Variants in GRIK2 observed in about 807,000 individuals in gnomAD.
GRIK2 encodes the protein glutamate receptor ionotropic, kainate 2.
Under a neutral mutation model 100.3 loss-of-function variants are expected in GRIK2, and 32 were observed. The ratio of observed to expected loss-of-function variants is 0.32; its 90% CI spans 0.24 to 0.43. GRIK2 has a LOEUF of 0.43. GRIK2 is among the 20% of genes least tolerant of loss of function. GRIK2 has a pLI of 1.00. For missense variants in GRIK2, 843 were observed against 1,114.9 expected (o/e 0.76, Z 3.47); for synonymous variants, 417 against 389.4 (o/e 1.07, Z -0.83).
intron 2 of GRIK2, among the ~76,000 whole-genome samples, chr6:101,491,607 C>A (rs575887402): frequency 6.6e-6 from 1 of 151,624 alleles, no homozygotes; most frequent in Non-Finnish European, 1.5e-5. Context: ...ATTTGTCTCC[C>A]GTCTCTGTCT....
chr6:101,892,270 CG>C (rs1380328769), intron 12 of GRIK2, among the ~76,000 whole-genome samples: 2 of 152,136 alleles, frequency 1.3e-5, no homozygotes, highest in Admixed American at 1.3e-4. Context: ...TCCAAGCCCA[CG>C]GCTTTTGAAG....
chr6:101,430,762 G>T, intron 2 of GRIK2: 1 of 229,456 alleles, frequency 4.4e-6, no homozygotes. Context: ...CCGTAAATCA[G>T]CAACTAGCTC....
At chr6:101,828,760 G>A (rs1248904359) in intron 10 of GRIK2, among the ~76,000 whole-genome samples, 4 of 151,636 alleles carry the variant, frequency 2.6e-5, no homozygotes, top group Non-Finnish European at 5.9e-5. Context: ...ATGAGCAAAG[G>A]AATTGAATCA....
At chr6:101,909,373 T>TTTTTTTTTTTG (rs1479681117) in intron 12 of GRIK2, among the ~76,000 whole-genome samples, 1 of 113,556 alleles carries the variant, frequency 8.8e-6, no homozygotes, top group African/African-American at 3.2e-5. Context: ...AAGATAGGGT[T>TTTTTTTTTTTG]TTCTTTTTCT....
At chr6:101,576,127 G>A (rs539855747) in intron 2 of GRIK2, among the ~76,000 whole-genome samples, 2 of 151,906 alleles carry the variant, frequency 1.3e-5, no homozygotes, top group Admixed American at 6.6e-5. Flanking sequence ...ATGTATATTG[G>A]GGTGTTTCTT....
At chr6:101,482,216 T>G (rs1397648820) in intron 2 of GRIK2, among the ~76,000 whole-genome samples, 1 of 152,230 alleles carries the variant, frequency 6.6e-6, no homozygotes, top group Non-Finnish European at 1.5e-5. Flanking sequence ...TCACTTAGAT[T>G]CATTCCGGCA....
intron 4 of GRIK2, among the ~76,000 whole-genome samples, chr6:101,634,710 A>G (rs932081382): frequency 6.6e-6 from 1 of 152,080 alleles, no homozygotes; most frequent in African/African-American, 2.4e-5. Context: ...TCTTTTCATT[A>G]GTGAAGGAAA....
intron 12 of GRIK2, among the ~76,000 whole-genome samples, chr6:101,922,685 G>T (rs548008290): frequency 2.0e-5 from 3 of 152,220 alleles, no homozygotes; most frequent in African/African-American, 7.2e-5. Context: ...CATGCTTTGG[G>T]CAGGGGAACT....
intron 2 of GRIK2, among the ~76,000 whole-genome samples, chr6:101,447,084 CT>C (rs541136444): frequency 2.4e-3 from 357 of 149,126 alleles, no homozygotes; most frequent in African/African-American, 8.1e-3. Context: ...TAGCCCTTTA[CT>C]TTTTTTCTTT....
intron 15 of GRIK2, among the ~76,000 whole-genome samples, chr6:102,036,579 TAGAG>T (rs763218901): frequency 4.0e-5 from 6 of 149,982 alleles, no homozygotes; most frequent in Non-Finnish European, 8.9e-5. Flanking sequence ...GTGAAAGAAG[TAGAG>T]AGAGGGAGAG....
At chr6:101,970,635 A>G (rs1792985214) in intron 14 of GRIK2, among the ~76,000 whole-genome samples, 1 of 152,000 alleles carries the variant, frequency 6.6e-6, no homozygotes, top group African/African-American at 2.4e-5. Context: ...AGGGTAAACG[A>G]CATGGCACAC....
chr6:101,652,066 G>A (rs1398873431), intron 4 of GRIK2, among the ~76,000 whole-genome samples: 1 of 152,174 alleles, frequency 6.6e-6, no homozygotes, highest in African/African-American at 2.4e-5. Flanking sequence ...TTAGCAATCT[G>A]GAGGTCATTG....
At chr6:101,912,168 A>G (rs1436862805) in intron 12 of GRIK2, among the ~76,000 whole-genome samples, 1 of 151,252 alleles carries the variant, frequency 6.6e-6, no homozygotes, top group Non-Finnish European at 1.5e-5. Context: ...CTGTTGTATC[A>G]AGACAACTAT....
chr6:101,612,488 T>C (rs1779724089), intron 2 of GRIK2, among the ~76,000 whole-genome samples: 1 of 151,822 alleles, frequency 6.6e-6, no homozygotes, highest in Non-Finnish European at 1.5e-5. Flanking sequence ...CTTTCATTCT[T>C]CAATGAGATT....
chr6:101,532,103 G>GGT (rs1207000172), intron 2 of GRIK2, among the ~76,000 whole-genome samples: 1 of 151,610 alleles, frequency 6.6e-6, no homozygotes, highest in Non-Finnish European at 1.5e-5. Flanking sequence ...TCTGTGGTGG[G>GGT]GTGCCGTTTG....
In GRIK2 at chr6:101,968,353, G is replaced by A. The variant is rs150873778; in HGVS notation, c.2085+39721G>A. On this transcript the variant is annotated intron_variant, in intron 14 of 16. Transcript: ENST00000369134. The stretch of plus-strand genomic sequence containing the variant: ...GTTTAGGAGTTATATTTCCTACAGA[G>A]TTAAAGCAATTTTTTTCTTTACTGA... Among the ~76,000 whole-genome samples the A allele has an allele frequency of 7.4e-3, 1,125 of 152,022 alleles. 6 individuals carry two copies. The highest frequency in any genetic ancestry group is 0.017 in the Middle Eastern group (5 of 294).
At chr6:101,994,506 A>G (rs1794548528) in intron 14 of GRIK2, among the ~76,000 whole-genome samples, 1 of 151,914 alleles carries the variant, frequency 6.6e-6, no homozygotes, top group African/African-American at 2.4e-5. Flanking sequence ...TATCACAAAA[A>G]TGACTGAATT....
intron 2 of GRIK2, among the ~76,000 whole-genome samples, chr6:101,489,199 A>G (rs1772980376): frequency 6.8e-6 from 1 of 146,128 alleles, no homozygotes; most frequent in South Asian, 2.2e-4. Context: ...GAACAAGGAG[A>G]TGATACACAG....
intron 2 of GRIK2, chr6:101,620,026 G>C (rs967806877): frequency 6.6e-6 from 1 of 152,070 alleles, no homozygotes; most frequent in South Asian, 2.1e-4. Flanking sequence ...TAAATGTTTT[G>C]TACATGCTAA....
Sources: gnomAD v4.1 joint callset for allele counts (sites outside exome capture counted in the v4.1 genomes callset) on GRCh38, gnomAD v4.1.1 for gene constraint, MANE v1.5 for transcripts, NCBI Gene and HGNC (gene_info 2026-07-23, HGNC 2026-07-21) for gene names.